The following VPS16 variants were observed in gnomAD, a reference collection of about 807,000 sequenced individuals.
VPS16 encodes the protein VPS16 core subunit of CORVET and HOPS complexes, also known as vacuolar protein sorting-associated protein 16 homolog.
VPS16 carries 82 observed loss-of-function variants against 116.0 expected under a neutral mutation model. That is an observed-to-expected ratio of 0.71 (90% CI 0.59 to 0.85). VPS16 has a LOEUF of 0.85. Ranked by LOEUF, VPS16 falls within the 40% of genes least tolerant of loss-of-function variation. VPS16 has a pLI of 0.00. For synonymous variants in VPS16, 406 were observed against 420.7 expected, an observed-to-expected ratio of 0.96 and a Z score of 0.43; for missense variants, 928 against 1,090.6, an observed-to-expected ratio of 0.85 and a Z score of 2.10.
chr20:2,848,248 A>G (rs944357374), intron 1 of VPS16, among the ~76,000 whole-genome samples: 2 of 150,382 alleles, frequency 1.3e-5, no homozygotes, highest in Non-Finnish European at 2.9e-5. Flanking sequence ...TTTATTTTTA[A>G]TTTTAATTTT....
Position 2,865,436 on chromosome 20 carries a change from G to C in VPS16, c.2212G>C (p.Glu738Gln). 6.2e-7 allele frequency: 1 copy of C among 1,614,208 alleles called. No individual in the cohort carries two copies. Among genetic ancestry groups the C allele is most frequent in the South Asian group, 1.1e-5 (1 of 91,090 alleles). ...GAAGCTGACTGCCCTGGCAGATTTG[G>C]AAGATTGGGAAGAGCTAGAGAAGTT... ...WLKLTALADL[E>Q]DWEELEKFSK... Residue 738 changes from glutamate (E) to glutamine (Q), a missense_variant, in exon 22 of 24, where the codon GAA becomes CAA. Transcript: ENST00000380445. The surrounding 1 kb of genome is among the most constrained non-coding windows in gnomAD (Gnocchi z 5.2).
At chr20:2,853,871 C>T (rs1006155530) in intron 1 of VPS16, among the ~76,000 whole-genome samples, 1 of 151,908 alleles carries the variant, frequency 6.6e-6, no homozygotes, top group Admixed American at 6.6e-5. Flanking sequence ...CAGGGTTTCA[C>T]CGTGTTGGCC....
At chr20:2,843,570 C>A (rs1230961603) in intron 1 of VPS16, among the ~76,000 whole-genome samples, 1 of 152,174 alleles carries the variant, frequency 6.6e-6, no homozygotes, top group Non-Finnish European at 1.5e-5. Flanking sequence ...ACCAAGGTAG[C>A]CATGTCATTT....
At chr20:2,862,300 G>A (rs1399995553) in intron 11 of VPS16, among the ~76,000 whole-genome samples, 170 bp downstream of exon 11, 1 of 152,198 alleles carries the variant, frequency 6.6e-6, no homozygotes, top group African/African-American at 2.4e-5. Context: ...TGTCCTCCAT[G>A]TGGTGTGATA....
intron 1 of VPS16, among the ~76,000 whole-genome samples, chr20:2,842,051 G>A (rs1174660881): frequency 6.6e-6 from 1 of 152,112 alleles, no homozygotes; most frequent in Non-Finnish European, 1.5e-5. Flanking sequence ...CACTGAGCCC[G>A]GCCAAAAGCA....
Position 2,860,881 on chromosome 20 carries a change from G to A in VPS16, c.630+18G>A, listed in dbSNP as rs200732515. 6.9e-4 allele frequency: 1,118 copies of A among 1,614,110 alleles called. 7 individuals are homozygous for A. The highest frequency in any genetic ancestry group is 9.4e-4 in the East Asian group (42 of 44,886). ...CCGCAGTGGTAAGGGCCCTGAGTGG[G>A]AATGAAGTGGACGGGCTGGGTTAGG... On this transcript the variant is annotated intron_variant, in intron 6 of 23. Coordinates refer to ENST00000380445, the MANE Select transcript of VPS16 (RefSeq NM_022575.4). This position sits in a 1 kb window ranked among gnomAD's most constrained non-coding sequence, Gnocchi z 6.1.
At chr20:2,843,282 A>G (rs2089027571) in intron 1 of VPS16, among the ~76,000 whole-genome samples, 1 of 152,090 alleles carries the variant, frequency 6.6e-6, no homozygotes, top group African/African-American at 2.4e-5. Flanking sequence ...AAATACAAAA[A>G]TTTGCCGGGC....
Position 2,863,060 on chromosome 20 carries a change from T to TACAGATATAA in VPS16, c.1332-4_1337dup. 6.2e-7 allele frequency: 1 copy of TACAGATATAA among 1,613,868 alleles called. No individual in the cohort carries two copies. The highest frequency in any genetic ancestry group is 8.5e-7 in the Non-Finnish European group (1 of 1,179,984). On this transcript the variant is annotated splice_region_variant and splice_polypyrimidine_tract_variant and intron_variant, in intron 13 of 23. Coordinates refer to ENST00000380445, the MANE Select transcript of VPS16 (RefSeq NM_022575.4). The surrounding 1 kb of genome is among the most constrained non-coding windows in gnomAD (Gnocchi z 4.4). Reference sequence around the variant, plus strand: ...CAACTGGATCCTTAACCGAGGAAAATACAGATATAAGCAGCTCACCATCCA... The same window carrying TACAGATATAA: ...CAACTGGATCCTTAACCGAGGAAAATACAGATATAAACAGATATAAGCAGCTCACCATCCA...
chr20:2,840,935 C>A, intron 1 of VPS16, 108 bp downstream of exon 1: 1 of 1,116,264 alleles, frequency 9.0e-7, no homozygotes, highest in Non-Finnish European at 1.3e-6. Context: ...GGGGTCCGCC[C>A]CGCGCCGGCT....
Position 2,860,492 on chromosome 20 carries a change from C to T in VPS16, c.413C>T (p.Thr138Ile), listed in dbSNP as rs150923044. 1.2e-5 allele frequency: 19 copies of T among 1,613,962 alleles called. No homozygotes were observed. The highest frequency in any genetic ancestry group is 1.5e-5 in the Non-Finnish European group (18 of 1,180,018). ...NRVLDARIFH[T>I]EFGSGVAILT... ...GTTCTGGATGCCCGGATCTTTCACA[C>T]TGAGTTTGGTTCCGGAGTGGCCATC... Residue 138 changes from threonine (T) to isoleucine (I), a missense_variant, in exon 5 of 24, where the codon ACT (threonine) becomes ATT (isoleucine). Physicochemically the swap from Thr to Ile is moderately conservative, Grantham distance 89. Coordinates refer to ENST00000380445, the MANE Select transcript of VPS16 (RefSeq NM_022575.4). The surrounding 1 kb of genome is among the most constrained non-coding windows in gnomAD (Gnocchi z 6.1).
At chr20:2,850,965 CA>C (rs57731229) in intron 1 of VPS16, among the ~76,000 whole-genome samples, 19,719 of 91,126 alleles carry the variant, frequency 0.22, 1,371 homozygotes, top group Admixed American at 0.29. Context: ...GTAAGACTGT[CA>C]AAAAAAAAAA....
intron 1 of VPS16, among the ~76,000 whole-genome samples, chr20:2,855,047 G>A (rs1472444913): frequency 1.5e-5 from 2 of 131,838 alleles, no homozygotes; most frequent in African/African-American, 5.9e-5. Flanking sequence ...CGCAACCTCC[G>A]CCTCCTGGGT....
At chr20:2,848,436 C>A (rs1318397563) in intron 1 of VPS16, among the ~76,000 whole-genome samples, 1 of 152,118 alleles carries the variant, frequency 6.6e-6, no homozygotes, top group Non-Finnish European at 1.5e-5. Context: ...AGGTTGTTAT[C>A]AGGTGTAATA....
In VPS16 at chr20:2,842,833, G is replaced by GATAC. The variant is rs2089010767; in HGVS notation, c.53+2008_53+2009insACAT. 1.2e-4 allele frequency among the ~76,000 whole-genome samples: 16 copies of GATAC among 137,768 alleles called. 1 individual carries two copies. Among genetic ancestry groups the GATAC allele is most frequent in the African/African-American group, 3.1e-4 (11 of 35,282 alleles). The allele number at this position is 137,768 out of a possible 152,430, so 90.4% of individuals were successfully genotyped here. ...GTATCTATCTATAGATAGACATATA[G>GATAC]ATGTATCTATCGATAGATAGATGTA... On this transcript the variant is annotated intron_variant, in intron 1 of 23. Coordinates refer to ENST00000380445, the MANE Select transcript of VPS16 (RefSeq NM_022575.4).
intron 1 of VPS16, among the ~76,000 whole-genome samples, chr20:2,857,909 C>T (rs908439586): frequency 3.9e-5 from 6 of 152,010 alleles, no homozygotes; most frequent in Non-Finnish European, 5.9e-5. Flanking sequence ...CAGGGTTTCA[C>T]CGTGTTGGCT....
Position 2,863,342 on chromosome 20 carries a change from C to T in VPS16, c.1420C>T (p.Arg474Cys), listed in dbSNP as rs558756547. Residue 474 changes from arginine (R) to cysteine (C), a missense_variant, in exon 15 of 24, where the codon CGC (arginine) becomes TGC (cysteine). Arg to Cys is a radical substitution (Grantham distance 180). Coordinates refer to ENST00000380445, the MANE Select transcript of VPS16 (RefSeq NM_022575.4). The surrounding 1 kb of genome is among the most constrained non-coding windows in gnomAD (Gnocchi z 4.4). ...PLAIQICEYL[R>C]LPEVQGVSRI... ...GGCCATCCAGATATGCGAGTACTTG[C>T]GCCTTCCTGAAGTACAGGGCGTCAG... The T allele has an allele frequency of 8.7e-6, 14 of 1,614,202 alleles. No homozygotes were observed. In the South Asian group the frequency reaches 8.8e-5, roughly 10 times the overall value.
Position 2,860,896 on chromosome 20 carries a change from G to T in VPS16, c.630+33G>T. On this transcript the variant is annotated intron_variant, in intron 6 of 23. Coordinates refer to ENST00000380445, the MANE Select transcript of VPS16 (RefSeq NM_022575.4). The surrounding 1 kb of genome is among the most constrained non-coding windows in gnomAD (Gnocchi z 6.1). ...CCCTGAGTGGGAATGAAGTGGACGGGCTGGGTTAGGCAATAGGGAGGTTCT... is the reference window on the plus strand; with the variant it reads ...CCCTGAGTGGGAATGAAGTGGACGGTCTGGGTTAGGCAATAGGGAGGTTCT... The T allele has an allele frequency of 6.2e-7, 1 of 1,614,074 alleles. No individual in the cohort carries two copies. Among genetic ancestry groups the T allele is most frequent in the Non-Finnish European group, 8.5e-7 (1 of 1,180,046 alleles).
intron 1 of VPS16, among the ~76,000 whole-genome samples, chr20:2,848,395 C>T (rs941554157): frequency 1.3e-5 from 2 of 152,168 alleles, no homozygotes; most frequent in African/African-American, 4.8e-5. Flanking sequence ...AAGTGTGAGC[C>T]ACCATGCCTG....
Position 2,865,903 on chromosome 20 carries a change from G to C in VPS16, c.2272-309G>C. ...GCAGGTTTGAGAATGTCAATCACAA[G>C]AGAACACAGGAAATGTGAGGGCTGG... On this transcript the variant is annotated intron_variant, in intron 22 of 23. Transcript: ENST00000380445. The surrounding 1 kb of genome is among the most constrained non-coding windows in gnomAD (Gnocchi z 5.2). 1 of 483,192 alleles carries C rather than the reference G, an allele frequency of 2.1e-6. No homozygotes were observed. Among genetic ancestry groups the C allele is most frequent in the South Asian group, 2.3e-5 (1 of 44,394 alleles). The allele number at this position is 483,192 out of a possible 1,614,324, so 29.9% of individuals were successfully genotyped here.
Sources: allele counts gnomAD v4.1 joint callset (sites outside exome capture counted in the v4.1 genomes callset), GRCh38; gene constraint gnomAD v4.1.1; non-coding constraint Gnocchi (gnomAD v3.1); transcripts MANE v1.5; gene names NCBI Gene and HGNC (gene_info 2026-07-23, HGNC 2026-07-21).